Variants in PLBD2 observed in about 807,000 individuals in gnomAD.
PLBD2 encodes the protein phospholipase B domain containing 2.
PLBD2 carries 51 observed loss-of-function variants against 68.3 expected under a neutral mutation model. The observed-to-expected ratio is 0.75, with a 90% CI of 0.60 to 0.94. The LOEUF is 0.94. Among genes scored for constraint, PLBD2 ranks in the 40% least tolerant of loss-of-function variants. PLBD2 has a pLI of 0.00. For missense variants in PLBD2, 729 were observed against 792.2 expected (o/e 0.92, Z 0.96); for synonymous variants, 314 against 339.3 (o/e 0.93, Z 0.82).
At chr12:113,366,179 T>C (rs1957340581) in intron 1 of PLBD2, among the ~76,000 whole-genome samples, 1 of 152,180 alleles carries the variant, frequency 6.6e-6, no homozygotes, top group African/African-American at 2.4e-5. Context: ...AAGTGTTCGA[T>C]GGCTTTTTAG....
intron 1 of PLBD2, among the ~76,000 whole-genome samples, chr12:113,361,902 G>C (rs1257716557): frequency 6.6e-6 from 1 of 152,162 alleles, no homozygotes; most frequent in East Asian, 1.9e-4. Flanking sequence ...GAGAGGAAGT[G>C]AATCAAAGTT....
intron 9 of PLBD2, 59 bp downstream of exon 9, chr12:113,385,342 C>A: frequency 6.8e-7 from 1 of 1,466,756 alleles, no homozygotes; most frequent in Non-Finnish European, 9.5e-7. Context: ...TCACTCCTTG[C>A]CCAGCTCCTT....
chr12:113,375,634 T>C (rs1329411692), intron 5 of PLBD2, among the ~76,000 whole-genome samples: 1 of 152,204 alleles, frequency 6.6e-6, no homozygotes, highest in African/African-American at 2.4e-5. Flanking sequence ...TTGGCTAGGC[T>C]CACTGATGCA....
rs180732775 is a variant in PLBD2, at chr12:113,388,805, C to T, written c.*179C>T. ...CCTGATGGGGCTCAGAACTGACCCC[C>T]TCTCTCCCCCGAGGTGGGTGGGCAC... On this transcript the variant is annotated 3_prime_UTR_variant, in exon 12 of 12. Transcript: ENST00000280800. 133 of 585,780 alleles carry T rather than the reference C, an allele frequency of 2.3e-4. No homozygotes were observed. Among genetic ancestry groups the T allele is most frequent in the Non-Finnish European group, 3.0e-4 (109 of 364,636 alleles). The allele number at this position is 585,780 out of a possible 1,614,324, so 36.3% of individuals were successfully genotyped here.
intron 10 of PLBD2, 46 bp from the exon 11 acceptor site, chr12:113,387,698 C>G: frequency 6.3e-7 from 1 of 1,593,366 alleles, no homozygotes. Context: ...CCGTCTTAGC[C>G]TCTCCTTCCT....
intron 1 of PLBD2, among the ~76,000 whole-genome samples, chr12:113,360,801 G>A (rs1280105406): frequency 6.6e-6 from 1 of 152,158 alleles, no homozygotes; most frequent in Non-Finnish European, 1.5e-5. Context: ...AATTACAGGT[G>A]TGTGCCACCA....
At chr12:113,370,147 A>G (rs1957375831) in intron 2 of PLBD2, among the ~76,000 whole-genome samples, 1 of 151,958 alleles carries the variant, frequency 6.6e-6, no homozygotes, top group African/African-American at 2.4e-5. Context: ...TGATCCGCCC[A>G]CCTCGGCCTC....
At chr12:113,383,448 T>A (rs1432300228) in intron 6 of PLBD2, among the ~76,000 whole-genome samples, 2 of 152,066 alleles carry the variant, frequency 1.3e-5, no homozygotes, top group Non-Finnish European at 2.9e-5. Context: ...TATGAGTTTT[T>A]ATTTTTATTT....
chr12:113,378,911 T>C (rs1216814802), intron 5 of PLBD2, among the ~76,000 whole-genome samples: 1 of 152,176 alleles, frequency 6.6e-6, no homozygotes, highest in Non-Finnish European at 1.5e-5. Flanking sequence ...CTCAAACTCC[T>C]GGCCTCCTGA....
At chr12:113,385,165 A>T (rs757698993) in intron 8 of PLBD2, 47 bp from the exon 9 acceptor site, 65 of 1,593,638 alleles carry the variant, frequency 4.1e-5, no homozygotes, top group Non-Finnish European at 5.5e-5. Context: ...TGCCCACAGG[A>T]GCCCCTTTTC....
intron 1 of PLBD2, among the ~76,000 whole-genome samples, chr12:113,360,428 C>T (rs34863464): frequency 0.038 from 5,739 of 152,284 alleles, 156 homozygotes; most frequent in Middle Eastern, 0.095. Context: ...GCTTTGGCCT[C>T]TGGAGGCCCC....
At chr12:113,365,614 A>G (rs554899070) in intron 1 of PLBD2, among the ~76,000 whole-genome samples, 1 of 152,022 alleles carries the variant, frequency 6.6e-6, no homozygotes, top group South Asian at 2.1e-4. Flanking sequence ...AGCCCTGGCC[A>G]TTTTTGGAAG....
rs779016756 is a variant in PLBD2, at chr12:113,374,778, C to T, written c.645-15C>T. ...AGCAGGCGTGGTAACCCTCTGATGC[C>T]CTGGCCCTCCTCAGCCTGCTGCAGC... On this transcript the variant is annotated splice_polypyrimidine_tract_variant and intron_variant, in intron 4 of 11. Transcript: ENST00000280800. 8.7e-6 allele frequency: 14 copies of T among 1,613,416 alleles called. 1 individual carries two copies. The South Asian group carries it at 1.4e-4, about 16-fold the overall frequency.
At chr12:113,373,800 C>A (rs1164967842) in intron 3 of PLBD2, among the ~76,000 whole-genome samples, 1 of 145,762 alleles carries the variant, frequency 6.9e-6, no homozygotes, top group Non-Finnish European at 1.5e-5. Context: ...CCCACCCATT[C>A]ATCTATCCAT....
At chr12:113,379,589 G>A (rs1957467018) in intron 5 of PLBD2, among the ~76,000 whole-genome samples, 1 of 152,148 alleles carries the variant, frequency 6.6e-6, no homozygotes, top group East Asian at 1.9e-4. Context: ...TAGCCCTGCT[G>A]CAGACAGTGC....
chr12:113,369,062 G>A lies in PLBD2; in HGVS notation c.291-54G>A, dbSNP rs534024392. 26 of 1,245,030 alleles carry A rather than the reference G, an allele frequency of 2.1e-5. No individual in the cohort carries two copies. The African/African-American group carries it at 3.6e-4, about 17-fold the overall frequency. 77.1% of individuals were successfully genotyped at this position (1,245,030 alleles called of 1,614,324 possible). On this transcript the variant is annotated intron_variant, in intron 1 of 11. Coordinates refer to ENST00000280800, the MANE Select transcript of PLBD2 (RefSeq NM_173542.4). ...CATAGTTTAAGCCTGGAGATGCCAT[G>A]TGTCTAGCTGGGGGCCTCTGCTGCT...
At chr12:113,367,521 A>G (rs535393374) in intron 1 of PLBD2, among the ~76,000 whole-genome samples, 1 of 152,046 alleles carries the variant, frequency 6.6e-6, no homozygotes, top group East Asian at 1.9e-4. Flanking sequence ...AGGCCGAGGC[A>G]GGTGGATCAC....
intron 1 of PLBD2, among the ~76,000 whole-genome samples, chr12:113,365,032 G>T (rs1262029582): frequency 6.6e-6 from 1 of 152,098 alleles, no homozygotes; most frequent in Non-Finnish European, 1.5e-5. Context: ...TTTTCCCCTT[G>T]TTTTTTCCTC....
At chr12:113,365,516 G>A (rs1236160230) in intron 1 of PLBD2, among the ~76,000 whole-genome samples, 1 of 151,898 alleles carries the variant, frequency 6.6e-6, no homozygotes, top group Non-Finnish European at 1.5e-5. Context: ...GTTTCACCAT[G>A]TTAGCCAGGC....
Sources: allele counts gnomAD v4.1 joint callset (sites outside exome capture counted in the v4.1 genomes callset), GRCh38; gene constraint gnomAD v4.1.1; transcripts MANE v1.5; gene names NCBI Gene and HGNC (gene_info 2026-07-23, HGNC 2026-07-21).